LYPLAL1: variants seen among roughly 807,000 people sequenced by gnomAD.
LYPLAL1 encodes the protein lysophospholipase like 1.
A neutral mutation model predicts 19.7 loss-of-function variants in LYPLAL1; 23 were observed. The observed-to-expected ratio is 1.17, with a 90% CI of 0.84 to 1.65. The LOEUF (loss-of-function observed/expected upper bound fraction) is 1.65, where lower values mean the gene tolerates loss of function less well. Ranked by LOEUF, LYPLAL1 falls within the 40% of genes most tolerant of loss-of-function variation. The probability of loss-of-function intolerance (pLI) is 0.00; values close to 1 mark genes in which losing one functional copy is unlikely to be tolerated. For synonymous variants in LYPLAL1, 119 were observed against 96.3 expected (o/e 1.24, Z -1.38); for missense variants, 355 against 279.4 (o/e 1.27, Z -1.93).
intron 2 of LYPLAL1, among the ~76,000 whole-genome samples, chr1:219,190,291 T>C (rs1201014444): frequency 6.6e-6 from 1 of 151,478 alleles, no homozygotes; most frequent in Non-Finnish European, 1.5e-5. Flanking sequence ...AACTATAAAA[T>C]ATATGGCAAA....
chr1:219,330,376 T>C, the LYPLAL1 span, among the ~76,000 whole-genome samples: 3 of 152,204 alleles, frequency 2.0e-5, no homozygotes, highest in South Asian at 6.2e-4. Flanking sequence ...GACTCAGCTT[T>C]ATGAAATAAT....
the LYPLAL1 span, among the ~76,000 whole-genome samples, chr1:219,412,144 G>T: frequency 1.3e-5 from 2 of 152,034 alleles, no homozygotes; most frequent in East Asian, 1.9e-4. Context: ...AAACTCCTGG[G>T]CTCAAGGGAT....
the LYPLAL1 span, among the ~76,000 whole-genome samples, chr1:219,231,619 A>G: frequency 6.6e-6 from 1 of 152,174 alleles, no homozygotes; most frequent in Non-Finnish European, 1.5e-5. Flanking sequence ...ACCTTTATTT[A>G]CTAATTTTCT....
the LYPLAL1 span, among the ~76,000 whole-genome samples, chr1:219,299,140 C>CT: frequency 0.3 from 38,878 of 129,008 alleles, 6,435 homozygotes; most frequent in Non-Finnish European, 0.38. Flanking sequence ...CCTCCCCCAG[C>CT]TTTTTTTTTT....
chr1:219,409,763 G>C, the LYPLAL1 span: 1 of 152,210 alleles, frequency 6.6e-6, no homozygotes, highest in Non-Finnish European at 1.5e-5. Context: ...GAGGATTGTG[G>C]GGGCTGAACA....
At chr1:219,233,528 G>A in the LYPLAL1 span, among the ~76,000 whole-genome samples, 4 of 152,152 alleles carry the variant, frequency 2.6e-5, no homozygotes, top group African/African-American at 9.7e-5. Context: ...AGAACTTTAG[G>A]AGGCTAAGGC....
intron 3 of LYPLAL1, among the ~76,000 whole-genome samples, chr1:219,197,544 A>G (rs77998179): frequency 6.6e-6 from 1 of 152,222 alleles, no homozygotes; most frequent in South Asian, 2.1e-4. Flanking sequence ...AATCTAGGCA[A>G]TACCATTCAC....
At chr1:219,385,996 G>A in the LYPLAL1 span, among the ~76,000 whole-genome samples, 1 of 152,134 alleles carries the variant, frequency 6.6e-6, no homozygotes, top group East Asian at 1.9e-4. Flanking sequence ...ACTATCACCT[G>A]TGTGGTGAGA....
At chr1:219,302,885 C>A in the LYPLAL1 span, among the ~76,000 whole-genome samples, 1 of 152,156 alleles carries the variant, frequency 6.6e-6, no homozygotes, top group African/African-American at 2.4e-5. Context: ...GCATTACATG[C>A]ATTAGCCATT....
chr1:219,215,066 G>A (rs1253755678), downstream of LYPLAL1, among the ~76,000 whole-genome samples: 2 of 151,976 alleles, frequency 1.3e-5, no homozygotes, highest in Non-Finnish European at 2.9e-5. Flanking sequence ...ACCATTTCTG[G>A]TGCTCCTCAA....
At chr1:219,238,155 G>T in the LYPLAL1 span, among the ~76,000 whole-genome samples, 4 of 124,660 alleles carry the variant, frequency 3.2e-5, no homozygotes, top group Admixed American at 2.1e-4. Flanking sequence ...ACAGAGTCTC[G>T]CTCTGTCGCC....
chr1:219,332,579 A>G, the LYPLAL1 span, among the ~76,000 whole-genome samples: 3 of 152,062 alleles, frequency 2.0e-5, no homozygotes, highest in Admixed American at 2.0e-4. Context: ...CTCTAAAAGA[A>G]TTCTTATTTG....
At chr1:219,283,813 T>G in the LYPLAL1 span, among the ~76,000 whole-genome samples, 4 of 152,170 alleles carry the variant, frequency 2.6e-5, no homozygotes, top group Non-Finnish European at 5.9e-5. Flanking sequence ...AGTCAAGGCC[T>G]TGTACAGATC....
chr1:219,341,103 A>G, the LYPLAL1 span, among the ~76,000 whole-genome samples: 1 of 152,110 alleles, frequency 6.6e-6, no homozygotes. Flanking sequence ...TTCCAAAGAT[A>G]GGAACAGCTT....
At chr1:219,213,474 AG>A (rs1428265191), downstream of LYPLAL1, among the ~76,000 whole-genome samples, 1 of 151,498 alleles carries the variant, frequency 6.6e-6, no homozygotes. Context: ...GGATTTTGAT[AG>A]GAATTATTTT....
chr1:219,187,713 G>C (rs919007110), intron 2 of LYPLAL1, among the ~76,000 whole-genome samples: 3 of 151,538 alleles, frequency 2.0e-5, no homozygotes, highest in Non-Finnish European at 4.4e-5. Context: ...AATAAACTAG[G>C]CACTTTTTAT....
chr1:219,421,781 G>GA, the LYPLAL1 span, among the ~76,000 whole-genome samples: 1 of 151,538 alleles, frequency 6.6e-6, no homozygotes, highest in Admixed American at 6.6e-5. Context: ...TAGTTTCTCG[G>GA]AAAAAAAGGT....
At chr1:219,236,123 G>A in the LYPLAL1 span, among the ~76,000 whole-genome samples, 8 of 152,294 alleles carry the variant, frequency 5.3e-5, no homozygotes, top group Middle Eastern at 0.01. Flanking sequence ...TGGGTCCCAT[G>A]TGGGATGATT....
Position 219,193,060 on chromosome 1 carries a change from G to GC in LYPLAL1, c.192-22_192-21insC, listed in dbSNP as rs749790093. 6.8e-5 allele frequency: 102 copies of GC among 1,504,230 alleles called. 2 individuals carry two copies. The South Asian group carries it at 7.7e-4, about 11-fold the overall frequency. The allele number at this position is 1,504,230 out of a possible 1,614,324, so 93.2% of individuals were successfully genotyped here. On this transcript the variant is annotated intron_variant, in intron 2 of 4. Coordinates refer to ENST00000366928, the MANE Select transcript of LYPLAL1 (RefSeq NM_138794.5). ...TTCCCTTTTCCTTTCTTTTTTTTTG[G>GC]GGGGGGGCGGTTGTTAAACAGATCA...
Sources: gnomAD v4.1 joint callset for allele counts (sites outside exome capture counted in the v4.1 genomes callset) on GRCh38, gnomAD v4.1.1 for gene constraint, MANE v1.5 for transcripts, NCBI Gene and HGNC (gene_info 2026-07-23, HGNC 2026-07-21) for gene names.